The following NUP210 variants were observed in gnomAD, a reference collection of about 807,000 sequenced individuals.
NUP210 encodes the protein nuclear pore membrane glycoprotein 210.
NUP210 carries 151 observed loss-of-function variants against 196.0 expected under a neutral mutation model. The observed-to-expected ratio is 0.77, with a 90% CI of 0.67 to 0.88. The LOEUF (loss-of-function observed/expected upper bound fraction) is 0.88. NUP210 is among the 40% of genes least tolerant of loss of function. The pLI is 0.00. For synonymous variants in NUP210, 1,070 were observed against 1,052.7 expected (o/e 1.02, Z -0.32); for missense variants, 2,314 against 2,493.7 (o/e 0.93, Z 1.53).
At chr3:13,344,690 A>G (rs976451184) in intron 20 of NUP210, among the ~76,000 whole-genome samples, 1 of 152,176 alleles carries the variant, frequency 6.6e-6, no homozygotes, top group African/African-American at 2.4e-5. Context: ...AAAGCCTGGT[A>G]TGGCCTGGCT....
intron 1 of NUP210, among the ~76,000 whole-genome samples, chr3:13,414,696 C>A (rs538491487): frequency 6.0e-4 from 91 of 152,318 alleles, no homozygotes; most frequent in South Asian, 1.2e-3. Context: ...CTGTCCCCTC[C>A]AACTCAACCC....
chr3:13,394,325 G>A (rs1347385983), intron 3 of NUP210, among the ~76,000 whole-genome samples: 1 of 152,212 alleles, frequency 6.6e-6, no homozygotes, highest in Non-Finnish European at 1.5e-5. Flanking sequence ...GGAAATAGCT[G>A]TGAAAACCTC....
At position 13,366,596 on chromosome 3, in the gene NUP210, C is replaced by A. The variant is rs187026606; in HGVS notation, c.1787-505G>T. Among the ~76,000 whole-genome samples, 3 of 149,156 alleles carry A rather than the reference C, an allele frequency of 2.0e-5. No individual in the cohort carries two copies. In the East Asian group the frequency reaches 6.1e-4, roughly 30 times the overall value. On this transcript the variant is annotated intron_variant, in intron 13 of 39. Coordinates refer to ENST00000254508, the MANE Select transcript of NUP210 (RefSeq NM_024923.4). ...GCAGTGGTGCTATCTCAGCTCACTG[C>A]AAGCTCCACCTCCCGGCTTCAAGCG...
rs1399366254 is a variant in NUP210, at chr3:13,350,482, A to AAAACAAAAC, written c.2835+1396_2835+1397insGTTTTGTTT. Among the ~76,000 whole-genome samples the AAAACAAAAC allele has an allele frequency of 2.1e-5, 2 of 96,758 alleles. No individual in the cohort carries two copies. Among genetic ancestry groups the AAAACAAAAC allele is most frequent in the Admixed American group, 1.0e-4 (1 of 9,542 alleles). The allele number at this position is 96,758 out of a possible 152,430, so 63.5% of individuals were successfully genotyped here. On this transcript the variant is annotated intron_variant, in intron 20 of 39. Transcript: ENST00000254508. The surrounding 1 kb of genome is among the most constrained non-coding windows in gnomAD (Gnocchi z 4.1). ...CAAAACAAAACAAAACAAAACAAAA[A>AAAACAAAAC]ACAAAACAAAACAGGAAAACATGAC...
chr3:13,324,137 G>T (rs937903499), intron 33 of NUP210, among the ~76,000 whole-genome samples: 1 of 152,164 alleles, frequency 6.6e-6, no homozygotes, highest in African/African-American at 2.4e-5. Context: ...AACTCACGGT[G>T]CCTCCGCTCA....
Position 13,328,801 on chromosome 3 carries a change from T to C in NUP210, c.4256A>G (p.His1419Arg). The C allele has an allele frequency of 6.2e-7, 1 of 1,614,122 alleles. No homozygotes were observed. The highest frequency in any genetic ancestry group is 1.1e-5 in the South Asian group (1 of 91,084). ...HDNSGDVFHA[H>R]SSVLNFATNR... is the part of the protein sequence containing the mutation. ...AGTGGCAAAGTTGAGGACCGAACTG[T>C]GAGCATGGAAGACATCTCCAGAGTT... is the stretch of plus-strand genomic sequence containing the variant. Residue 1419 changes from histidine (H) to arginine (R), a missense_variant, in exon 31 of 40, where the codon CAC becomes CGC. Coordinates refer to ENST00000254508, the MANE Select transcript of NUP210 (RefSeq NM_024923.4).
intron 33 of NUP210, among the ~76,000 whole-genome samples, chr3:13,324,153 T>C (rs673373): frequency 0.52 from 79,613 of 151,912 alleles, 21,009 homozygotes; most frequent in East Asian, 0.69. Context: ...GCTCAGGGCT[T>C]ACCACCATCC....
At chr3:13,324,466 C>T (rs1576342254) in intron 33 of NUP210, among the ~76,000 whole-genome samples, 1 of 152,154 alleles carries the variant, frequency 6.6e-6, no homozygotes, top group Non-Finnish European at 1.5e-5. Flanking sequence ...CCGGCCCAGG[C>T]TCCTCACCTC....
At chr3:13,394,652 G>C (rs1261820351) in intron 3 of NUP210, among the ~76,000 whole-genome samples, 5 of 152,194 alleles carry the variant, frequency 3.3e-5, no homozygotes, top group Non-Finnish European at 7.3e-5. Flanking sequence ...CTATATAGTG[G>C]GCATGAGACC....
chr3:13,358,310 G>C lies in NUP210; in HGVS notation c.2240C>G (p.Ala747Gly), dbSNP rs1698254547. ...CGCGAGGGTGAGCCTGGACGGTGGG[G>C]CGCAGACGAACTTCACCACGGCAGG... ...VEPAVVKFVC[A>G]PPSRLTLAPV... The change falls in exon 16 of 40, where the codon GCC becomes GGC. Residue 747 changes from alanine to glycine, a missense_variant. Ala to Gly is a moderately conservative substitution (Grantham distance 60, BLOSUM62 0). Transcript: ENST00000254508. The C allele has an allele frequency of 2.5e-6, 4 of 1,613,766 alleles. No homozygotes were observed. The highest frequency in any genetic ancestry group is 3.4e-6 in the Non-Finnish European group (4 of 1,179,910).
chr3:13,365,489 G>A (rs540138554), intron 14 of NUP210, among the ~76,000 whole-genome samples: 7 of 152,322 alleles, frequency 4.6e-5, no homozygotes, highest in African/African-American at 1.7e-4. Flanking sequence ...CTAGGCCAGG[G>A]CAGATCCTCT....
At chr3:13,354,740 C>T (rs944441076) in intron 16 of NUP210, 3 of 152,318 alleles carry the variant, frequency 2.0e-5, no homozygotes, top group African/African-American at 7.2e-5. Flanking sequence ...CCTTAAATGT[C>T]CCAGGAAGGT....
chr3:13,366,042 G>A lies in NUP210; in HGVS notation c.1836C>T (p.Ala612=), dbSNP rs767959715. Residue 612 remains alanine, a synonymous_variant, in exon 14 of 40, where the codon GCC becomes GCT. Transcript: ENST00000254508. ...GAAGCGTGGTAGAGCCCTGGGCCTC[G>A]GCCTTTACCCGGATGCCGCTGCAGT... The part of the protein sequence containing the change: ...SEHCSGIRVK[A]EAQGSTTLLV... The A allele has an allele frequency of 6.2e-6, 10 of 1,614,066 alleles. No homozygotes were observed. Among genetic ancestry groups the A allele is most frequent in the Admixed American group, 5.0e-5 (3 of 60,002 alleles).
Position 13,348,324 on chromosome 3 carries a change from C to A in NUP210, c.2835+3555G>T, listed in dbSNP as rs1313145643. Reference sequence around the variant, plus strand: ...CCTACAGCGGCAGCCTAGTCCATCACCGACCTCTAGGAACTCTTGTTCTTG... The same window carrying A: ...CCTACAGCGGCAGCCTAGTCCATCAACGACCTCTAGGAACTCTTGTTCTTG... On this transcript the variant is annotated intron_variant, in intron 20 of 39. Transcript: ENST00000254508. The surrounding 1 kb of genome is among the most constrained non-coding windows in gnomAD (Gnocchi z 4.0). 1 of 963,022 alleles carries A rather than the reference C, an allele frequency of 1.0e-6. No homozygotes were observed. The highest frequency in any genetic ancestry group is 1.2e-6 in the Non-Finnish European group (1 of 809,682). The allele number at this position is 963,022 out of a possible 1,614,324, so 59.7% of individuals were successfully genotyped here.
rs182858469 is a variant in NUP210, at chr3:13,406,250, T to C, written c.168-6389A>G. 9.7e-4 allele frequency among the ~76,000 whole-genome samples: 148 copies of C among 152,188 alleles called. 1 individual carries two copies. The highest frequency in any genetic ancestry group is 3.2e-4 in the Non-Finnish European group (22 of 68,004). Reference sequence around the variant, plus strand: ...CTTCCCTCTGGTACAGAGTCTGATATAAGCTGCCATTCTCCAATTTCTGGG... The same window carrying C: ...CTTCCCTCTGGTACAGAGTCTGATACAAGCTGCCATTCTCCAATTTCTGGG... On this transcript the variant is annotated intron_variant, in intron 1 of 39. Transcript: ENST00000254508.
intron 33 of NUP210, 85 bp downstream of exon 33, chr3:13,325,704 TAAAAGG>T (rs1696720229): frequency 4.0e-6 from 6 of 1,501,388 alleles, no homozygotes; most frequent in Non-Finnish European, 5.4e-6. Context: ...GGCTTTTCCC[TAAAAGG>T]AAAAGTCTTC....
At chr3:13,407,735 C>T in intron 1 of NUP210, among the ~76,000 whole-genome samples, 1 of 152,118 alleles carries the variant, frequency 6.6e-6, no homozygotes, top group Non-Finnish European at 1.5e-5. Flanking sequence ...ACCCATGCCC[C>T]TCCTATCAGC....
rs1486994740 is a variant in NUP210, at chr3:13,323,206, G to A, written c.4768+103C>T. 3.5e-6 allele frequency: 5 copies of A among 1,430,568 alleles called. No individual in the cohort carries two copies. In the South Asian group the frequency reaches 5.1e-5, roughly 15 times the overall value. 88.6% of individuals were successfully genotyped at this position (1,430,568 alleles called of 1,614,324 possible). A position where few individuals can be genotyped will look rare whatever the true frequency, so the allele number is the denominator to read the frequency against. ...TAAATGCCCTCTCTGGAGTTGGTGT[G>A]AGTGTGAATAGGAGAAGCAGATAAA... On this transcript the variant is annotated intron_variant, in intron 34 of 39. Coordinates refer to ENST00000254508, the MANE Select transcript of NUP210 (RefSeq NM_024923.4). The surrounding 1 kb of genome is among the most constrained non-coding windows in gnomAD (Gnocchi z 4.3).
In NUP210 at chr3:13,319,944, T is replaced by C. The variant is rs746218340; in HGVS notation, c.5202A>G (p.Ala1734=). The part of the protein sequence containing the change: ...KSGSPAVLAF[A]KEKSFGWPSF... ...TGGGCCACCCAAAAGACTTCTCCTT[T>C]GCGAATGCCAGCACGGCCGGGGACC... is the stretch of plus-strand genomic sequence containing the variant. Residue 1734 remains alanine, a synonymous_variant, in exon 37 of 40, where the codon GCA becomes GCG. Coordinates refer to ENST00000254508, the MANE Select transcript of NUP210 (RefSeq NM_024923.4). The C allele has an allele frequency of 4.1e-5, 66 of 1,614,104 alleles. No individual in the cohort carries two copies. Among genetic ancestry groups the C allele is most frequent in the Non-Finnish European group, 5.4e-5 (64 of 1,180,030 alleles).
Sources: allele counts gnomAD v4.1 joint callset (sites outside exome capture counted in the v4.1 genomes callset), GRCh38; gene constraint gnomAD v4.1.1; non-coding constraint Gnocchi (gnomAD v3.1); transcripts MANE v1.5; gene names NCBI Gene and HGNC (gene_info 2026-07-23, HGNC 2026-07-21).